Variants in ZNF254 observed in about 807,000 individuals in gnomAD.
ZNF254 encodes CTD-2017D11.1.
In ZNF254, 10 loss-of-function variants were observed where a neutral mutation model predicts 12.4. The ratio of observed to expected loss-of-function variants is 0.80; its 90% CI spans 0.50 to 1.36. The LOEUF (loss-of-function observed/expected upper bound fraction) is 1.36. Ranked by LOEUF, ZNF254 falls within the 40% of genes most tolerant of loss-of-function variation. ZNF254 has a pLI of 0.00. For missense variants in ZNF254, 996 were observed against 763.9 expected (o/e 1.30, Z -3.58); for synonymous variants, 305 against 253.4 (o/e 1.20, Z -1.93).
intron 2 of ZNF254, among the ~76,000 whole-genome samples, chr19:24,051,862 GT>G (rs1970660392): frequency 6.6e-6 from 1 of 152,080 alleles, no homozygotes; most frequent in Non-Finnish European, 1.5e-5. Flanking sequence ...GAACTGGGGT[GT>G]TTTTTACATA....
chr19:24,091,055 TCTC>T (rs1972350198), intron 1 of ZNF254, among the ~76,000 whole-genome samples: 1 of 151,054 alleles, frequency 6.6e-6, no homozygotes, highest in Admixed American at 6.6e-5. Context: ...TTCGAGCAAT[TCTC>T]CTGCCTCAGC....
At position 24,129,438 on chromosome 19, in the gene ZNF254, G is replaced by T. The variant is rs1975098340; in HGVS notation, c.*1458G>T. 6.6e-6 allele frequency: 1 copy of T among 151,930 alleles called. No individual in the cohort carries two copies. The highest frequency in any genetic ancestry group is 1.5e-5 in the Non-Finnish European group (1 of 67,920). 9.4% of individuals were successfully genotyped at this position (151,930 alleles called of 1,614,324 possible). The stretch of plus-strand genomic sequence containing the variant: ...AAAAGATGGTAACAATACACTATTT[G>T]GTAAGATAATGTACTGACATCTCTA... On this transcript the variant is annotated 3_prime_UTR_variant, in exon 4 of 4. Coordinates refer to ENST00000357002, the MANE Select transcript of ZNF254 (RefSeq NM_203282.4).
intron 1 of ZNF254, among the ~76,000 whole-genome samples, chr19:24,045,415 A>C (rs1970340523): frequency 6.6e-6 from 1 of 152,010 alleles, no homozygotes; most frequent in Non-Finnish European, 1.5e-5. Flanking sequence ...CACATCTGTA[A>C]TCCCAGCACT....
intron 2 of ZNF254, among the ~76,000 whole-genome samples, chr19:24,078,198 C>T (rs1227344401): frequency 2.6e-5 from 4 of 152,162 alleles, no homozygotes; most frequent in Non-Finnish European, 4.4e-5. Flanking sequence ...CCACCACACA[C>T]GGCTGATTTT....
chr19:24,053,789 A>G (rs1970736949), intron 2 of ZNF254, among the ~76,000 whole-genome samples: 1 of 152,138 alleles, frequency 6.6e-6, no homozygotes, highest in African/African-American at 2.4e-5. Context: ...CATCACCTAG[A>G]TGATGTAACT....
At chr19:24,090,080 C>A (rs192016418) in intron 1 of ZNF254, among the ~76,000 whole-genome samples, 1 of 150,252 alleles carries the variant, frequency 6.7e-6, no homozygotes, top group South Asian at 2.1e-4. Flanking sequence ...GGCCTGTAAT[C>A]GCAGCTACTC....
upstream of ZNF254, among the ~76,000 whole-genome samples, chr19:24,085,408 G>GTATATAAATATATATATATATATATA (rs1971989845): frequency 3.1e-5 from 1 of 32,710 alleles, no homozygotes; most frequent in Non-Finnish European, 5.4e-5. Context: ...TTTGTTAAGG[G>GTATATAAATATATATATATATATATA]TATATATATA....
intron 1 of ZNF254, chr19:24,098,675 G>C (rs1972813583): frequency 6.6e-6 from 1 of 152,092 alleles, no homozygotes; most frequent in African/African-American, 2.4e-5. Context: ...GTTTTTTAAA[G>C]AGGCTTTTAA....
At chr19:24,083,431 A>G (rs1287646126), upstream of ZNF254, among the ~76,000 whole-genome samples, 5 of 152,170 alleles carry the variant, frequency 3.3e-5, no homozygotes, top group Admixed American at 3.3e-4. Flanking sequence ...TGAAAATAAC[A>G]TCATAATTTC....
intron 3 of ZNF254, among the ~76,000 whole-genome samples, chr19:24,110,366 G>A (rs1308168848): frequency 6.6e-6 from 1 of 151,882 alleles, no homozygotes; most frequent in East Asian, 1.9e-4. Context: ...TTTGATACAA[G>A]CCTGGGCAAA....
intron 2 of ZNF254, chr19:24,080,172 G>A (rs1971798243): frequency 6.6e-6 from 1 of 152,184 alleles, no homozygotes; most frequent in Non-Finnish European, 1.5e-5. Flanking sequence ...GTAGCGGAAA[G>A]AGGAAGAAGG....
chr19:24,054,592 T>C (rs1970770873), intron 2 of ZNF254, among the ~76,000 whole-genome samples: 1 of 152,182 alleles, frequency 6.6e-6, no homozygotes, highest in Admixed American at 6.5e-5. Context: ...CACCAATTAT[T>C]AGGATTATCA....
In ZNF254 at chr19:24,055,232, A is replaced by AAAAAAAAAAAAAAAAAAAAAAAAAAAAAG. The variant is rs1555753129; in HGVS notation, c.-94+8953_-94+8954insAAAAAAAAAAAAAAAAAAAAAAAAAAAAG. Among the ~76,000 whole-genome samples the AAAAAAAAAAAAAAAAAAAAAAAAAAAAAG allele has an allele frequency of 2.4e-5, 3 of 122,540 alleles. 1 individual carries two copies. The highest frequency in any genetic ancestry group is 5.7e-5 in the African/African-American group (2 of 35,318). 80.4% of individuals were successfully genotyped at this position (122,540 alleles called of 152,430 possible). On this transcript the variant is annotated intron_variant, in intron 2 of 4. Transcript: ENST00000613065. ...AAAAAAAAAAAAAAAAAAAAAAAAA[A>AAAAAAAAAAAAAAAAAAAAAAAAAAAAAG]GAGTGTACTAACAAGACCCAGCACA...
Position 24,073,006 on chromosome 19 carries a change from C to T in ZNF254, c.-94+26727C>T, listed in dbSNP as rs139379828. Among the ~76,000 whole-genome samples the T allele has an allele frequency of 1.1e-4, 17 of 152,316 alleles. No homozygotes were observed. In the East Asian group the frequency reaches 3.3e-3, roughly 29 times the overall value. On this transcript the variant is annotated intron_variant, in intron 2 of 4. Coordinates refer to the ZNF254 transcript ENST00000613065. ...CCAGCCAAAAGGAGAGTTACTGGCA[C>T]TTGTAACTATACTTGGAGAAATGGG...
At chr19:24,096,468 A>G (rs906232306) in intron 1 of ZNF254, among the ~76,000 whole-genome samples, 2 of 152,118 alleles carry the variant, frequency 1.3e-5, no homozygotes, top group Non-Finnish European at 2.9e-5. Context: ...ATGTAATTGT[A>G]TCAGTTGTTT....
At chr19:24,120,640 C>G (rs1385846058) in intron 3 of ZNF254, among the ~76,000 whole-genome samples, 1 of 151,416 alleles carries the variant, frequency 6.6e-6, no homozygotes, top group East Asian at 1.9e-4. Flanking sequence ...AAAATTGACT[C>G]ATTTTAGCAT....
At chr19:24,067,983 A>G (rs1971340088) in intron 2 of ZNF254, among the ~76,000 whole-genome samples, 2 of 152,194 alleles carry the variant, frequency 1.3e-5, no homozygotes, top group South Asian at 4.1e-4. Context: ...CAGCACCTAG[A>G]TGATGTAACT....
At chr19:24,040,932 C>T (rs1970131084) in intron 1 of ZNF254, among the ~76,000 whole-genome samples, 1 of 152,198 alleles carries the variant, frequency 6.6e-6, no homozygotes, top group Non-Finnish European at 1.5e-5. Flanking sequence ...TGGAGAGCAA[C>T]ATCAGCATTA....
chr19:24,107,421 A>C lies in ZNF254; in HGVS notation c.253+778A>C, dbSNP rs181119621. The C allele has an allele frequency of 1.4e-3, 558 of 394,532 alleles. 2 individuals are homozygous for C. Among genetic ancestry groups the C allele is most frequent in the African/African-American group, 0.011 (532 of 48,230 alleles). The allele number at this position is 394,532 out of a possible 1,614,324, so 24.4% of individuals were successfully genotyped here. A position where few individuals can be genotyped will look rare whatever the true frequency, so the allele number is the denominator to read the frequency against. Reference sequence around the variant, plus strand: ...GAAAGATTTATGAGCTCCTTGTTTAAATTTGTTCTAAAATTGAGTATTTCA... The same window carrying C: ...GAAAGATTTATGAGCTCCTTGTTTACATTTGTTCTAAAATTGAGTATTTCA... On this transcript the variant is annotated intron_variant, in intron 3 of 3. Coordinates refer to ENST00000357002, the MANE Select transcript of ZNF254 (RefSeq NM_203282.4).
Sources: gnomAD v4.1 joint callset for allele counts (sites outside exome capture counted in the v4.1 genomes callset) on GRCh38, gnomAD v4.1.1 for gene constraint, MANE v1.5 for transcripts, NCBI Gene and HGNC (gene_info 2026-07-23, HGNC 2026-07-21) for gene names.